Variants in GRID2 observed in about 807,000 individuals in gnomAD.
The protein encoded by GRID2 is glutamate receptor ionotropic, delta-2.
Under a neutral mutation model 114.8 loss-of-function variants are expected in GRID2, and 33 were observed. The observed-to-expected ratio is 0.29, with a 90% CI of 0.22 to 0.38. The LOEUF is 0.38. GRID2 is among the 10% of genes least tolerant of loss of function. The pLI is 1.00. For missense variants in GRID2, 1,184 were observed against 1,257.7 expected (o/e 0.94, Z 0.89); for synonymous variants, 505 against 449.9 (o/e 1.12, Z -1.55).
chr4:92,770,094 T>C (rs557554194), intron 2 of GRID2, among the ~76,000 whole-genome samples: 339 of 152,334 alleles, frequency 2.2e-3, no homozygotes, highest in South Asian at 5.0e-3. Flanking sequence ...AAGTCACCTC[T>C]TGAATGCTTC....
chr4:93,605,506 C>A (rs1740138816), intron 13 of GRID2, among the ~76,000 whole-genome samples: 1 of 152,096 alleles, frequency 6.6e-6, no homozygotes, highest in Admixed American at 6.5e-5. Flanking sequence ...GTAGAAATAT[C>A]ATTGATCTGT....
At chr4:92,942,576 GT>G (rs1164685281) in intron 2 of GRID2, among the ~76,000 whole-genome samples, 1 of 152,054 alleles carries the variant, frequency 6.6e-6, no homozygotes, top group African/African-American at 2.4e-5. Context: ...TACATTTAAG[GT>G]TCCTATTGTT....
chr4:93,615,454 C>A (rs899728602), intron 13 of GRID2, among the ~76,000 whole-genome samples: 2 of 152,060 alleles, frequency 1.3e-5, no homozygotes, highest in African/African-American at 4.8e-5. Flanking sequence ...TAGAGAAAGT[C>A]TTTATAGTAG....
intron 1 of GRID2, among the ~76,000 whole-genome samples, chr4:92,534,220 C>T (rs767889277): frequency 2.6e-5 from 4 of 152,026 alleles, no homozygotes; most frequent in Admixed American, 2.6e-4. Flanking sequence ...AGAAGTAAAG[C>T]TTTTATTTCA....
intron 2 of GRID2, among the ~76,000 whole-genome samples, chr4:93,069,021 G>A (rs1728568959): frequency 6.6e-6 from 1 of 151,824 alleles, no homozygotes; most frequent in Non-Finnish European, 1.5e-5. Flanking sequence ...AGAGAGAGGA[G>A]GGAGGTGCTA....
chr4:93,104,765 C>T (rs1732039443), intron 3 of GRID2, among the ~76,000 whole-genome samples: 1 of 152,192 alleles, frequency 6.6e-6, no homozygotes, highest in African/African-American at 2.4e-5. Context: ...CCGTGATAAA[C>T]ATACGTGTGC....
chr4:93,527,975 A>G (rs764086102), intron 13 of GRID2, among the ~76,000 whole-genome samples: 8 of 151,986 alleles, frequency 5.3e-5, no homozygotes, highest in Admixed American at 3.3e-4. Context: ...TCCTTTTTTG[A>G]CGGGCTTTCT....
Position 92,511,457 on chromosome 4 carries a change from C to T in GRID2, c.89-78674C>T, listed in dbSNP as rs1724246535. 2.0e-5 allele frequency among the ~76,000 whole-genome samples: 3 copies of T among 151,838 alleles called. No individual in the cohort carries two copies. The South Asian group carries it at 6.2e-4, about 31-fold the overall frequency. ...GAGACAAACATCCAAATCATATTAT[C>T]ATCCAATCTGGTACACTTCTGAAAA... On this transcript the variant is annotated intron_variant, in intron 1 of 15. Transcript: ENST00000282020.
At chr4:93,653,975 A>G (rs1171573455) in intron 14 of GRID2, among the ~76,000 whole-genome samples, 3 of 152,196 alleles carry the variant, frequency 2.0e-5, no homozygotes, top group African/African-American at 7.2e-5. Flanking sequence ...AAAGCACTCC[A>G]TTTTAAATGT....
At chr4:92,409,315 T>G (rs906759144) in intron 1 of GRID2, among the ~76,000 whole-genome samples, 4 of 152,140 alleles carry the variant, frequency 2.6e-5, no homozygotes, top group Admixed American at 2.6e-4. Context: ...GTTACCATTT[T>G]AGGTCCATTA....
intron 4 of GRID2, among the ~76,000 whole-genome samples, chr4:93,144,307 A>G (rs1472439824): frequency 2.0e-5 from 3 of 152,264 alleles, no homozygotes; most frequent in African/African-American, 7.2e-5. Flanking sequence ...CTTTATGTGC[A>G]TAAGCTCATT....
chr4:93,396,957 GT>G (rs1265393799), intron 9 of GRID2, among the ~76,000 whole-genome samples: 2 of 151,980 alleles, frequency 1.3e-5, no homozygotes, highest in Admixed American at 6.6e-5. Context: ...AAGTCTACTT[GT>G]TTTTAATTTT....
intron 2 of GRID2, among the ~76,000 whole-genome samples, chr4:92,738,766 C>G (rs777639567): frequency 6.6e-6 from 1 of 152,072 alleles, no homozygotes; most frequent in Admixed American, 6.6e-5. Context: ...ATTCTCCTAC[C>G]TCAGCCTCCT....
chr4:93,687,751 C>T (rs1046324896), intron 14 of GRID2, among the ~76,000 whole-genome samples: 2 of 151,752 alleles, frequency 1.3e-5, no homozygotes, highest in African/African-American at 4.8e-5. Flanking sequence ...GAAAATGGAA[C>T]TAATAAGTAC....
In GRID2 at chr4:92,749,377, C is replaced by T. The variant is rs1314404638; in HGVS notation, c.244+159091C>T. ...TCGCCCAGGCTGGAGTGCAGTGGCG[C>T]GATCTCAGCTCACTGCAACCTCCGC... On this transcript the variant is annotated intron_variant, in intron 2 of 15. Coordinates refer to ENST00000282020, the MANE Select transcript of GRID2 (RefSeq NM_001510.4). Among the ~76,000 whole-genome samples, 8 of 142,128 alleles carry T rather than the reference C, an allele frequency of 5.6e-5. No individual in the cohort carries two copies. In the South Asian group the frequency reaches 1.6e-3, roughly 28 times the overall value. 93.2% of individuals were successfully genotyped at this position (142,128 alleles called of 152,430 possible). A position where few individuals can be genotyped will look rare whatever the true frequency, so the allele number is the denominator to read the frequency against.
At chr4:93,432,052 T>A (rs995883901) in intron 10 of GRID2, among the ~76,000 whole-genome samples, 7 of 152,198 alleles carry the variant, frequency 4.6e-5, no homozygotes, top group Non-Finnish European at 7.3e-5. Flanking sequence ...TTGACAGTGA[T>A]GGGGACATGT....
chr4:93,521,897 A>G (rs969905250), intron 13 of GRID2, among the ~76,000 whole-genome samples: 2 of 152,180 alleles, frequency 1.3e-5, no homozygotes, highest in African/African-American at 4.8e-5. Flanking sequence ...TTTTAAAGAA[A>G]TTTTGCTGAA....
Position 92,978,364 on chromosome 4 carries a change from G to C in GRID2, c.245-106631G>C, listed in dbSNP as rs535250011. On this transcript the variant is annotated intron_variant, in intron 2 of 15. Coordinates refer to ENST00000282020, the MANE Select transcript of GRID2 (RefSeq NM_001510.4). ...CTTTATTCCTGTTTATTCTCTTTAA[G>C]AACCTCTATAAGAGGAAGTTCATTA... Among the ~76,000 whole-genome samples, 3 of 152,134 alleles carry C rather than the reference G, an allele frequency of 2.0e-5. No individual in the cohort carries two copies. The East Asian group carries it at 5.8e-4, about 29-fold the overall frequency.
intron 1 of GRID2, among the ~76,000 whole-genome samples, chr4:92,559,054 C>G (rs945164449): frequency 1.3e-5 from 2 of 152,110 alleles, no homozygotes; most frequent in Non-Finnish European, 2.9e-5. Flanking sequence ...ATGAAAACTT[C>G]TAAGAACAGT....
Sources: allele counts gnomAD v4.1 joint callset (sites outside exome capture counted in the v4.1 genomes callset), GRCh38; gene constraint gnomAD v4.1.1; transcripts MANE v1.5; gene names NCBI Gene and HGNC (gene_info 2026-07-23, HGNC 2026-07-21).